Variants in FOXP2 observed in about 807,000 individuals in gnomAD.
The protein encoded by FOXP2 is forkhead box protein P2.
In FOXP2, 12 loss-of-function variants were observed where a neutral mutation model predicts 115.8. The ratio of observed to expected loss-of-function variants is 0.10; its 90% confidence interval spans 0.07 to 0.17. The LOEUF is 0.17. Ranked by LOEUF, FOXP2 falls within the 10% of genes least tolerant of loss-of-function variation. The pLI is 1.00. For synonymous variants in FOXP2, 328 were observed against 297.7 expected (o/e 1.10, Z -1.05); for missense variants, 629 against 843.5 (o/e 0.75, Z 3.15).
chr7:114,673,462 TG>T (rs1384424145), intron 16 of FOXP2, among the ~76,000 whole-genome samples: 1 of 152,250 alleles, frequency 6.6e-6, no homozygotes, highest in East Asian at 1.9e-4. Context: ...AATTACATTG[TG>T]TTTTTTAAAA....
intron 1 of FOXP2, among the ~76,000 whole-genome samples, chr7:114,265,646 C>T (rs188687818): frequency 3.0e-4 from 45 of 152,084 alleles, no homozygotes; most frequent in Admixed American, 7.2e-4. Flanking sequence ...CACACATTTC[C>T]CCTTGAAACA....
intron 2 of FOXP2, among the ~76,000 whole-genome samples, chr7:114,327,989 T>C (rs924716248): frequency 6.6e-6 from 1 of 151,710 alleles, no homozygotes; most frequent in Non-Finnish European, 1.5e-5. Flanking sequence ...GGCACTATCA[T>C]GGCTCACTGC....
intron 1 of FOXP2, among the ~76,000 whole-genome samples, chr7:114,152,736 AGTGTATGTTTGGAGGCAAGAACAGGGAAG>A: frequency 6.6e-6 from 1 of 152,222 alleles, no homozygotes; most frequent in South Asian, 2.1e-4. Context: ...TAGAGAAGCA[AGTGTATGTTTGGAGGCAAGAACAGGGAAG>A]GTGTTTGCTG....
At chr7:114,402,154 G>T (rs890973209) in intron 2 of FOXP2, among the ~76,000 whole-genome samples, 2 of 151,976 alleles carry the variant, frequency 1.3e-5, no homozygotes, top group African/African-American at 4.8e-5. Context: ...AAAATAAAAA[G>T]ATATAGATAA....
At chr7:114,258,822 A>G (rs1419894811) in intron 1 of FOXP2, among the ~76,000 whole-genome samples, 1 of 152,184 alleles carries the variant, frequency 6.6e-6, no homozygotes, top group East Asian at 1.9e-4. Context: ...ATTTATATGA[A>G]CATAAATTAT....
At chr7:114,674,894 C>T (rs1563073121) in intron 16 of FOXP2, among the ~76,000 whole-genome samples, 1 of 151,962 alleles carries the variant, frequency 6.6e-6, no homozygotes, top group Non-Finnish European at 1.5e-5. Context: ...ACTTTAATTA[C>T]TCACATTTAA....
intron 3 of FOXP2, among the ~76,000 whole-genome samples, chr7:114,570,104 A>T (rs1451532277): frequency 6.6e-6 from 1 of 151,918 alleles, no homozygotes; most frequent in Non-Finnish European, 1.5e-5. Context: ...TAGGTAAAAA[A>T]TGACATTCCA....
At chr7:114,408,245 T>C (rs1272658994) in intron 2 of FOXP2, among the ~76,000 whole-genome samples, 1 of 152,160 alleles carries the variant, frequency 6.6e-6, no homozygotes, top group Non-Finnish European at 1.5e-5. Flanking sequence ...GCTACCACAG[T>C]TTAAAATTAA....
At chr7:114,161,079 A>T (rs1792817327), upstream of FOXP2, among the ~76,000 whole-genome samples, 2 of 152,190 alleles carry the variant, frequency 1.3e-5, no homozygotes, top group African/African-American at 4.8e-5. Flanking sequence ...TCACTGACCC[A>T]AAATACTGCA....
rs182120837 is a variant in FOXP2 at position 114,514,657 on chromosome 7, T to C, written c.169-19960T>C. On this transcript the variant is annotated intron_variant, in intron 2 of 16. Coordinates refer to ENST00000350908, the MANE Select transcript of FOXP2 (RefSeq NM_014491.4). ...TTGTAAATAATGCTGCAATAGGAGC[T>C]CACATATTTCTTTTTTACATTCAAT... is the stretch of plus-strand genomic sequence containing the variant. Among the ~76,000 whole-genome samples the C allele has an allele frequency of 4.2e-3, 633 of 151,802 alleles. 8 individuals carry two copies. The highest frequency in any genetic ancestry group is 0.014 in the African/African-American group (599 of 41,474).
chr7:114,190,355 A>G (rs940111578), intron 1 of FOXP2, among the ~76,000 whole-genome samples: 1 of 152,210 alleles, frequency 6.6e-6, no homozygotes, highest in Non-Finnish European at 1.5e-5. Context: ...AATAGAACAG[A>G]AAGGCCAAGG....
At chr7:114,233,153 A>G (rs1048846753) in intron 1 of FOXP2, among the ~76,000 whole-genome samples, 1 of 149,294 alleles carries the variant, frequency 6.7e-6, no homozygotes, top group Admixed American at 6.7e-5. Context: ...GGTAGATCTC[A>G]TGTTATGTGT....
chr7:114,330,467 T>TAA (rs551427303), intron 2 of FOXP2, among the ~76,000 whole-genome samples: 2 of 133,060 alleles, frequency 1.5e-5, no homozygotes. Context: ...ATCTTGTCTC[T>TAA]AAAAAAAAAA....
intron 1 of FOXP2, among the ~76,000 whole-genome samples, chr7:114,119,581 T>A (rs1371545577): frequency 1.3e-5 from 2 of 151,994 alleles, no homozygotes; most frequent in East Asian, 3.9e-4. Flanking sequence ...CAAGGTAGTA[T>A]GTACCTGTGG....
At chr7:114,484,187 G>T (rs73436122) in intron 2 of FOXP2, among the ~76,000 whole-genome samples, 1,700 of 151,802 alleles carry the variant, frequency 0.011, 16 homozygotes, top group Middle Eastern at 0.031. Context: ...TATCTTTTTA[G>T]TTGCAGTGAC....
chr7:114,533,410 C>G (rs764194588), intron 2 of FOXP2, among the ~76,000 whole-genome samples: 3 of 151,864 alleles, frequency 2.0e-5, no homozygotes, highest in Admixed American at 6.6e-5. Context: ...TGCAGTAGTT[C>G]AAACATTGTT....
chr7:114,476,220 T>A (rs1796253842), intron 2 of FOXP2, among the ~76,000 whole-genome samples: 1 of 151,744 alleles, frequency 6.6e-6, no homozygotes, highest in South Asian at 2.1e-4. Flanking sequence ...AAGAGTATTT[T>A]CTATGTTGTC....
Position 114,690,773 on chromosome 7 carries a change from A to AAG in FOXP2, c.*850_*851dup, listed in dbSNP as rs1206550443. On this transcript the variant is annotated 3_prime_UTR_variant, in exon 17 of 17. Coordinates refer to ENST00000350908, the MANE Select transcript of FOXP2 (RefSeq NM_014491.4). ...ACCAAAGCCAACTCTAACCATGGCC[A>AAG]AGAGCTCAAGGACAGAAGCAGCCAC... 2.2e-6 allele frequency: 1 copy of AAG among 454,544 alleles called. No individual in the cohort carries two copies. Among genetic ancestry groups the AAG allele is most frequent in the South Asian group, 1.6e-5 (1 of 64,482 alleles). The allele number at this position is 454,544 out of a possible 1,614,324, so 28.2% of individuals were successfully genotyped here. A position where few individuals can be genotyped will look rare whatever the true frequency, so the allele number is the denominator to read the frequency against.
At chr7:114,356,267 C>T (rs200234132) in intron 2 of FOXP2, among the ~76,000 whole-genome samples, 2 of 152,080 alleles carry the variant, frequency 1.3e-5, no homozygotes, top group Non-Finnish European at 2.9e-5. Flanking sequence ...CCATATACTT[C>T]GCATATTGTT....
Sources: allele counts gnomAD v4.1 joint callset (sites outside exome capture counted in the v4.1 genomes callset), GRCh38; gene constraint gnomAD v4.1.1; transcripts MANE v1.5; gene names NCBI Gene and HGNC (gene_info 2026-07-23, HGNC 2026-07-21).